Variants in CIB4 observed in about 807,000 individuals in gnomAD.
The protein encoded by CIB4 is calcium and integrin binding family member 4.
In CIB4, 25 loss-of-function variants were observed where a neutral mutation model predicts 25.8. The observed-to-expected ratio is 0.97, with a 90% CI of 0.71 to 1.35. The LOEUF is 1.35. Among genes scored for constraint, CIB4 ranks in the 40% most tolerant of loss-of-function variants. The probability of loss-of-function intolerance (pLI) is 0.00; values close to 1 mark genes in which losing one functional copy is unlikely to be tolerated. For synonymous variants in CIB4, 75 were observed against 81.4 expected (o/e 0.92, Z 0.42); for missense variants, 235 against 228.2 (o/e 1.03, Z -0.19).
chr2:26,605,428 C>T (rs1558562796), intron 3 of CIB4: 1 of 461,974 alleles, frequency 2.2e-6, no homozygotes. Flanking sequence ...AGTGGCTGCC[C>T]GGAGGAAATG....
At chr2:26,635,703 A>C (rs886774403) in intron 2 of CIB4, among the ~76,000 whole-genome samples, 1 of 152,204 alleles carries the variant, frequency 6.6e-6, no homozygotes, top group Non-Finnish European at 1.5e-5. Context: ...CTCACTTTAC[A>C]GACAGCATGC....
chr2:26,602,868 T>G (rs910227813), intron 3 of CIB4, among the ~76,000 whole-genome samples: 2 of 152,164 alleles, frequency 1.3e-5, no homozygotes, highest in African/African-American at 4.8e-5. Flanking sequence ...GAAATCAGCC[T>G]AAGCAACATA....
intron 3 of CIB4, among the ~76,000 whole-genome samples, chr2:26,616,281 G>A (rs114641799): frequency 0.012 from 1,846 of 152,286 alleles, 45 homozygotes; most frequent in African/African-American, 0.043. Flanking sequence ...CATGGTGGCC[G>A]TGCCTGCAGC....
At chr2:26,635,657 G>A (rs183119289) in intron 2 of CIB4, among the ~76,000 whole-genome samples, 232 of 152,292 alleles carry the variant, frequency 1.5e-3, no homozygotes, top group Non-Finnish European at 2.6e-3. Flanking sequence ...TGCTCCCTGA[G>A]CCAGAGAAGC....
At chr2:26,622,990 A>G (rs1349430677) in intron 3 of CIB4, among the ~76,000 whole-genome samples, 1 of 152,068 alleles carries the variant, frequency 6.6e-6, no homozygotes, top group Non-Finnish European at 1.5e-5. Context: ...CTCAAAAAAA[A>G]TAAATAAGAA....
chr2:26,626,513 G>A (rs1392705680), intron 3 of CIB4, among the ~76,000 whole-genome samples: 1 of 151,850 alleles, frequency 6.6e-6, no homozygotes. Flanking sequence ...CCTTGAGGTA[G>A]ACTAATATAT....
intron 3 of CIB4, among the ~76,000 whole-genome samples, chr2:26,611,974 A>G (rs1275972): frequency 0.68 from 103,914 of 152,150 alleles, 35,758 homozygotes; most frequent in African/African-American, 0.76. Context: ...GGGTCGTTGG[A>G]TGCTAAGGAA....
At chr2:26,581,933 C>A (rs909739741) in intron 6 of CIB4, among the ~76,000 whole-genome samples, 11 of 152,174 alleles carry the variant, frequency 7.2e-5, no homozygotes, top group Non-Finnish European at 1.6e-4. Context: ...GAAAGTCACT[C>A]AAGACCAAGG....
intron 3 of CIB4, among the ~76,000 whole-genome samples, chr2:26,614,247 G>A (rs1478962464): frequency 6.6e-6 from 1 of 152,224 alleles, no homozygotes; most frequent in Non-Finnish European, 1.5e-5. Context: ...CAGGCAGAGA[G>A]GGGCCCTTGG....
chr2:26,640,889 A>C (rs768193124), intron 1 of CIB4, among the ~76,000 whole-genome samples: 2 of 152,176 alleles, frequency 1.3e-5, no homozygotes, highest in Non-Finnish European at 2.9e-5. Context: ...TCTGGGCCAC[A>C]TGGATGCAGA....
chr2:26,594,186 T>C (rs751410823), intron 4 of CIB4, among the ~76,000 whole-genome samples: 1 of 152,240 alleles, frequency 6.6e-6, no homozygotes, highest in Non-Finnish European at 1.5e-5. Context: ...AGTTGATTTT[T>C]ATATGTAGAG....
chr2:26,616,183 C>T (rs1669088945), intron 3 of CIB4, among the ~76,000 whole-genome samples: 1 of 152,234 alleles, frequency 6.6e-6, no homozygotes, highest in South Asian at 2.1e-4. Context: ...TGTGTGACAT[C>T]CCACACCGTG....
intron 3 of CIB4, among the ~76,000 whole-genome samples, chr2:26,600,038 A>G (rs988269509): frequency 3.7e-5 from 5 of 136,968 alleles, no homozygotes; most frequent in Admixed American, 1.5e-4. Context: ...ACGCCACTGC[A>G]CTCCAGCCTG....
At chr2:26,594,464 T>C (rs564071471) in intron 4 of CIB4, among the ~76,000 whole-genome samples, 2 of 152,284 alleles carry the variant, frequency 1.3e-5, no homozygotes, top group African/African-American at 2.4e-5. Context: ...GGGGAGGAGC[T>C]GGCAGGAAAG....
intron 2 of CIB4, among the ~76,000 whole-genome samples, chr2:26,630,559 C>T: frequency 6.6e-6 from 1 of 152,088 alleles, no homozygotes; most frequent in Non-Finnish European, 1.5e-5. Context: ...TGGTGGATGG[C>T]GGGTGGTGGG....
intron 3 of CIB4, among the ~76,000 whole-genome samples, chr2:26,600,427 A>C (rs1289731726): frequency 6.6e-6 from 1 of 152,206 alleles, no homozygotes; most frequent in African/African-American, 2.4e-5. Context: ...TAAATAAACA[A>C]ATAAAGAAAT....
chr2:26,617,959 C>T (rs1376082007), intron 3 of CIB4, among the ~76,000 whole-genome samples: 1 of 152,190 alleles, frequency 6.6e-6, no homozygotes, highest in Non-Finnish European at 1.5e-5. Flanking sequence ...GGGTTGGAAC[C>T]TTGGCTCACC....
At chr2:26,615,442 C>A (rs1669073841) in intron 3 of CIB4, among the ~76,000 whole-genome samples, 1 of 152,186 alleles carries the variant, frequency 6.6e-6, no homozygotes, top group Non-Finnish European at 1.5e-5. Context: ...GCTCCCTTCA[C>A]CCCTGGCGTG....
At chr2:26,588,955 G>C (rs1161462200) in intron 4 of CIB4, among the ~76,000 whole-genome samples, 1 of 150,880 alleles carries the variant, frequency 6.6e-6, no homozygotes, top group Non-Finnish European at 1.5e-5. Flanking sequence ...CCTGCTGGCT[G>C]CTGCCGCTGC....
Sources: gnomAD v4.1 joint callset for allele counts (sites outside exome capture counted in the v4.1 genomes callset) on GRCh38, gnomAD v4.1.1 for gene constraint, MANE v1.5 for transcripts, NCBI Gene and HGNC (gene_info 2026-07-23, HGNC 2026-07-21) for gene names.